The following MAN2A1 variants were observed in gnomAD, a reference collection of about 807,000 sequenced individuals.
MAN2A1 encodes alpha-mannosidase 2.
In MAN2A1, 76 loss-of-function variants were observed where a neutral mutation model predicts 142.6. The ratio of observed to expected loss-of-function variants is 0.53; its 90% CI spans 0.44 to 0.65. MAN2A1 has a LOEUF of 0.65. Ranked by LOEUF, MAN2A1 falls within the 30% of genes least tolerant of loss-of-function variation. MAN2A1 has a pLI of 0.00. For missense variants in MAN2A1, 1,311 were observed against 1,365.1 expected (o/e 0.96, Z 0.62); for synonymous variants, 559 against 473.2 (o/e 1.18, Z -2.35).
At chr5:109,748,764 A>G (rs1392455555) in intron 4 of MAN2A1, among the ~76,000 whole-genome samples, 1 of 151,952 alleles carries the variant, frequency 6.6e-6, no homozygotes, top group East Asian at 1.9e-4. Flanking sequence ...GCTGGATTGC[A>G]ATGAGGAAGA....
chr5:109,781,528 T>A lies in MAN2A1; in HGVS notation c.1507T>A (p.Tyr503Asn). 1 of 1,613,180 alleles carries A rather than the reference T, an allele frequency of 6.2e-7. No homozygotes were observed. Among genetic ancestry groups the A allele is most frequent in the African/African-American group, 1.3e-5 (1 of 75,032 alleles). Residue 503 changes from tyrosine (Y) to asparagine (N), a missense_variant, in exon 9 of 22, where the codon TAC (tyrosine) becomes AAC (asparagine). Tyr to Asn is a moderately radical substitution (Grantham distance 143). Around this residue, in one of 3 missense-constraint regions of MAN2A1, gnomAD observed 890 missense variants for 920.5 expected, o/e 0.97. Coordinates refer to ENST00000261483, the MANE Select transcript of MAN2A1 (RefSeq NM_002372.4). ...FFTYADRDDHYWSGYFTSRPF... is the reference protein window; with the variant it reads ...FFTYADRDDHNWSGYFTSRPF... Reference sequence around the variant, plus strand: ...CACTTATGCCGATCGAGATGATCATTACTGGAGTGGCTATTTTACATCCAG... The same window carrying A: ...CACTTATGCCGATCGAGATGATCATAACTGGAGTGGCTATTTTACATCCAG...
chr5:109,722,890 C>A (rs1450293040), intron 3 of MAN2A1, among the ~76,000 whole-genome samples: 1 of 152,124 alleles, frequency 6.6e-6, no homozygotes, highest in African/African-American at 2.4e-5. Flanking sequence ...TTTCAAATAA[C>A]CAAGCTCTGT....
At chr5:109,708,509 G>GAGACACACACACACACACACAC (rs1554072321) in intron 1 of MAN2A1, among the ~76,000 whole-genome samples, 40 of 124,608 alleles carry the variant, frequency 3.2e-4, no homozygotes, top group African/African-American at 1.2e-3. Flanking sequence ...GAACTGATAG[G>GAGACACACACACACACACACAC]ACACACACAC....
chr5:109,800,333 C>G (rs1033180926), intron 12 of MAN2A1, among the ~76,000 whole-genome samples: 1 of 152,146 alleles, frequency 6.6e-6, no homozygotes, highest in African/African-American at 2.4e-5. Context: ...CGTAATAGTC[C>G]TCTGAAGAGA....
chr5:109,830,083 A>T (rs759809), intron 16 of MAN2A1, among the ~76,000 whole-genome samples: 1 of 151,964 alleles, frequency 6.6e-6, no homozygotes, highest in Non-Finnish European at 1.5e-5. Flanking sequence ...ATCAAATCCA[A>T]GTCTCACCCT....
intron 12 of MAN2A1, among the ~76,000 whole-genome samples, chr5:109,807,258 A>G (rs1293242989): frequency 2.0e-5 from 3 of 151,878 alleles, no homozygotes; most frequent in Non-Finnish European, 4.4e-5. Context: ...AGGACTCAGG[A>G]TTTTCTTTTA....
At chr5:109,780,014 G>C (rs565655798) in intron 8 of MAN2A1, among the ~76,000 whole-genome samples, 1 of 152,060 alleles carries the variant, frequency 6.6e-6, no homozygotes, top group African/African-American at 2.4e-5. Flanking sequence ...GTGAATAAGT[G>C]ATAGCTAAAT....
At chr5:109,834,024 T>C (rs969031760) in intron 16 of MAN2A1, among the ~76,000 whole-genome samples, 2 of 152,148 alleles carry the variant, frequency 1.3e-5, no homozygotes, top group Non-Finnish European at 2.9e-5. Flanking sequence ...TTTTATTTTT[T>C]TTATAAGTTG....
At chr5:109,760,302 A>G (rs1752807809) in intron 5 of MAN2A1, among the ~76,000 whole-genome samples, 1 of 152,196 alleles carries the variant, frequency 6.6e-6, no homozygotes, top group Admixed American at 6.5e-5. Flanking sequence ...ATATCCCTGC[A>G]AAGACATGAA....
intron 17 of MAN2A1, among the ~76,000 whole-genome samples, chr5:109,843,863 A>G (rs1350050820): frequency 6.6e-6 from 1 of 152,200 alleles, no homozygotes; most frequent in East Asian, 1.9e-4. Context: ...TTTTAAAACA[A>G]GTGTTTTAGA....
In MAN2A1 at chr5:109,806,519, ATTTGAC is replaced by A. The variant is rs532833087; in HGVS notation, c.1944-10751_1944-10746del. 3.3e-5 allele frequency among the ~76,000 whole-genome samples: 5 copies of A among 152,300 alleles called. No individual in the cohort carries two copies. In the South Asian group the frequency reaches 1.0e-3, roughly 32 times the overall value. On this transcript the variant is annotated intron_variant, in intron 12 of 21. Transcript: ENST00000261483. ...AAATATTCCTTTAATACAGTTTTAT[ATTTGAC>A]TTACTGCTTTGTCTGTTAGTATTAT...
At chr5:109,783,800 A>T (rs1378635723) in intron 9 of MAN2A1, among the ~76,000 whole-genome samples, 1 of 151,204 alleles carries the variant, frequency 6.6e-6, no homozygotes, top group Non-Finnish European at 1.5e-5. Context: ...AAAACATAAA[A>T]GGTGGAAATT....
intron 5 of MAN2A1, among the ~76,000 whole-genome samples, chr5:109,766,501 T>C (rs889372252): frequency 6.6e-6 from 1 of 152,148 alleles, no homozygotes; most frequent in Non-Finnish European, 1.5e-5. Context: ...CTTTACTGGC[T>C]CCCCATGTCT....
intron 20 of MAN2A1, among the ~76,000 whole-genome samples, chr5:109,859,193 C>G (rs1755695660): frequency 6.6e-6 from 1 of 152,182 alleles, no homozygotes; most frequent in Non-Finnish European, 1.5e-5. Context: ...ATCAGGCGTT[C>G]TGAATCTCAG....
chr5:109,771,468 A>T (rs900849764), intron 7 of MAN2A1, among the ~76,000 whole-genome samples: 10 of 152,148 alleles, frequency 6.6e-5, no homozygotes, highest in Admixed American at 6.5e-4. Flanking sequence ...GCAGACATGA[A>T]GGTGTTTTAG....
At position 109,690,415 on chromosome 5, in the gene MAN2A1, A is replaced by G. The variant is rs1485227686; in HGVS notation, c.-3A>G. The G allele has an allele frequency of 6.2e-7, 1 of 1,613,900 alleles. No individual in the cohort carries two copies. Among genetic ancestry groups the G allele is most frequent in the Non-Finnish European group, 8.5e-7 (1 of 1,179,900 alleles). ...TGTCCTGGCCCCGAGTCTATCGAGG[A>G]AAATGAAGTTAAGCCGCCAGTTCAC... On this transcript the variant is annotated 5_prime_UTR_variant, in exon 1 of 22. Transcript: ENST00000261483.
intron 1 of MAN2A1, among the ~76,000 whole-genome samples, chr5:109,706,762 CAT>C (rs1303635481): frequency 6.6e-6 from 1 of 151,610 alleles, no homozygotes; most frequent in African/African-American, 2.4e-5. Context: ...AAAAAAAAAA[CAT>C]AAATGAAAGG....
chr5:109,868,604 C>T lies in MAN2A1; in HGVS notation c.*1606C>T, dbSNP rs1755938027. ...CTGGATTTTCACTCAAGATGCAGCTCCTAAGATTATTGTTATGTTAAATTC... is the reference window on the plus strand; with the variant it reads ...CTGGATTTTCACTCAAGATGCAGCTTCTAAGATTATTGTTATGTTAAATTC... On this transcript the variant is annotated 3_prime_UTR_variant, in exon 22 of 22. Coordinates refer to ENST00000261483, the MANE Select transcript of MAN2A1 (RefSeq NM_002372.4). 6.6e-6 allele frequency: 1 copy of T among 152,060 alleles called. No homozygotes were observed. The highest frequency in any genetic ancestry group is 1.5e-5 in the Non-Finnish European group (1 of 68,000). 9.4% of individuals were successfully genotyped at this position (152,060 alleles called of 1,614,324 possible).
At chr5:109,865,891 T>G (rs982094401) in intron 21 of MAN2A1, among the ~76,000 whole-genome samples, 2 of 152,226 alleles carry the variant, frequency 1.3e-5, no homozygotes, top group East Asian at 3.8e-4. Flanking sequence ...AGAAGGCAGC[T>G]GGGCTGATTT....
Sources: allele counts gnomAD v4.1 joint callset (sites outside exome capture counted in the v4.1 genomes callset), GRCh38; gene constraint gnomAD v4.1.1; regional missense constraint gnomAD v4.1.1; transcripts MANE v1.5; gene names NCBI Gene and HGNC (gene_info 2026-07-23, HGNC 2026-07-21).